The following IGLON5 variants were observed in gnomAD, a reference collection of about 807,000 sequenced individuals.
IGLON5 encodes IgLON family member 5.
A neutral mutation model predicts 38.2 loss-of-function variants in IGLON5; 16 were observed. The observed-to-expected ratio is 0.42, with a 90% CI of 0.28 to 0.64. The LOEUF is 0.64. Among genes scored for constraint, IGLON5 ranks in the 30% least tolerant of loss-of-function variants. IGLON5 has a pLI of 0.23. For synonymous variants in IGLON5, 207 were observed against 216.4 expected, an observed-to-expected ratio of 0.96 and a Z score of 0.38; for missense variants, 366 against 483.4, an observed-to-expected ratio of 0.76 and a Z score of 2.28.
intron 1 of IGLON5, among the ~76,000 whole-genome samples, chr19:51,314,742 G>A (rs985232313): frequency 5.3e-5 from 8 of 152,194 alleles, no homozygotes; most frequent in Non-Finnish European, 8.8e-5. Flanking sequence ...ATGCAAACTA[G>A]CATCTTCTCT....
Position 51,327,999 on chromosome 19 carries a change from C to CTCA in IGLON5, c.922+113_922+114insTCA. ...GCTGGCCCTGAACTTAGGAGATGGA[C>CTCA]GCTGAGACTGAAAAGCAATGCGAGT... is the stretch of plus-strand genomic sequence containing the variant. On this transcript the variant is annotated intron_variant, in intron 7 of 7. Transcript: ENST00000270642. The surrounding 1 kb of genome is among the most constrained non-coding windows in gnomAD (Gnocchi z 7.1). 9.0e-7 allele frequency: 1 copy of CTCA among 1,105,928 alleles called. No individual in the cohort carries two copies. The highest frequency in any genetic ancestry group is 1.7e-5 in the South Asian group (1 of 60,278). 68.5% of individuals were successfully genotyped at this position (1,105,928 alleles called of 1,614,324 possible).
chr19:51,314,336 A>G (rs1338346930), intron 1 of IGLON5, among the ~76,000 whole-genome samples: 1 of 152,012 alleles, frequency 6.6e-6, no homozygotes, highest in Non-Finnish European at 1.5e-5. Context: ...GGTGTGTGCC[A>G]CCACGCTGGG....
rs763929018 is a variant in IGLON5 at position 51,327,723 on chromosome 19, C to A, written c.768-9C>A. 1.9e-6 allele frequency: 3 copies of A among 1,564,366 alleles called. No homozygotes were observed. The South Asian group carries it at 3.5e-5, about 18-fold the overall frequency. On this transcript the variant is annotated splice_polypyrimidine_tract_variant and intron_variant, in intron 6 of 7. Transcript: ENST00000270642. This position sits in a 1 kb window ranked among gnomAD's most constrained non-coding sequence, Gnocchi z 7.1. ...CTGCGGCCCGGCCCCTGACCCGGAT[C>A]CCTGGCAGGCTGAGCAGCGGCACGG...
intron 1 of IGLON5, among the ~76,000 whole-genome samples, chr19:51,315,991 G>A (rs56225819): frequency 1.4e-5 from 2 of 147,876 alleles, no homozygotes; most frequent in African/African-American, 2.5e-5. Flanking sequence ...ACCACGCCCC[G>A]CCGGAAGTCA....
chr19:51,324,581 G>A lies in IGLON5; in HGVS notation c.391+687G>A, dbSNP rs562145464. On this transcript the variant is annotated intron_variant, in intron 3 of 7. Transcript: ENST00000270642. The surrounding 1 kb of genome is among the most constrained non-coding windows in gnomAD (Gnocchi z 4.2). ...CCTGGGTTCCAACCTCAGTGCCACC[G>A]TCCACCAGCCCAGGGACCTTGAGCA... Among the ~76,000 whole-genome samples, 66 of 152,214 alleles carry A rather than the reference G, an allele frequency of 4.3e-4. 1 individual carries two copies. Among genetic ancestry groups the A allele is most frequent in the South Asian group, 2.1e-4 (1 of 4,826 alleles).
chr19:51,320,269 C>T lies in IGLON5; in HGVS notation c.80-1795C>T, dbSNP rs535279772. 7.0e-4 allele frequency among the ~76,000 whole-genome samples: 106 copies of T among 152,332 alleles called. No homozygotes were observed. The South Asian group carries it at 0.021, about 30-fold the overall frequency. On this transcript the variant is annotated intron_variant, in intron 1 of 7. Coordinates refer to ENST00000270642, the MANE Select transcript of IGLON5 (RefSeq NM_001101372.3). ...GAGCCTGCCAACCCACTGCACCTGG[C>T]TCCGTCCTGGCCCCATCCTGTGGGG...
Position 51,327,697 on chromosome 19 carries a change from G to C in IGLON5, c.768-35G>C. ...AGTCGGGGGGCTGGCCTGGCTGGGC[G>C]CTGCGGCCCGGCCCCTGACCCGGAT... On this transcript the variant is annotated intron_variant, in intron 6 of 7. Transcript: ENST00000270642. This position sits in a 1 kb window ranked among gnomAD's most constrained non-coding sequence, Gnocchi z 7.1. 6.5e-7 allele frequency: 1 copy of C among 1,545,204 alleles called. No individual in the cohort carries two copies. Among genetic ancestry groups the C allele is most frequent in the Non-Finnish European group, 8.7e-7 (1 of 1,151,076 alleles).
At position 51,325,348 on chromosome 19, in the gene IGLON5, C is replaced by G; in HGVS notation, c.394C>G (p.Pro132Ala). Residue 132 changes from proline to alanine, a missense_variant and splice_region_variant, in exon 4 of 8, where the codon CCT becomes GCT. Physicochemically the swap from Pro to Ala is conservative, Grantham distance 27 (BLOSUM62 -1). Coordinates refer to ENST00000270642, the MANE Select transcript of IGLON5 (RefSeq NM_001101372.3). The surrounding 1 kb of genome is among the most constrained non-coding windows in gnomAD (Gnocchi z 5.5). ...TCAGCCTCTGCCGCTGCCCGCAGTC[C>G]CTGCCCGCATTGTGAACATCTCGTC... ...TTQVYLIVHV[P>A]ARIVNISSPV... The G allele has an allele frequency of 1.2e-6, 2 of 1,613,598 alleles. No homozygotes were observed. The highest frequency in any genetic ancestry group is 1.7e-6 in the Non-Finnish European group (2 of 1,179,742).
chr19:51,312,713 G>T (rs1236837520), intron 1 of IGLON5, among the ~76,000 whole-genome samples: 1 of 96,048 alleles, frequency 1.0e-5, no homozygotes, highest in African/African-American at 4.3e-5. Flanking sequence ...AAGGAAAGAC[G>T]GAAGGGAAGG....
Position 51,325,335 on chromosome 19 carries a change from G to A in IGLON5, c.392-11G>A, listed in dbSNP as rs368031316. ...TGGGCATCCATATTCAGCCTCTGCC[G>A]CTGCCCGCAGTCCCTGCCCGCATTG... is the stretch of plus-strand genomic sequence containing the variant. On this transcript the variant is annotated splice_polypyrimidine_tract_variant and intron_variant, in intron 3 of 7. Transcript: ENST00000270642. This position sits in a 1 kb window ranked among gnomAD's most constrained non-coding sequence, Gnocchi z 5.5. 2.1e-5 allele frequency: 34 copies of A among 1,612,354 alleles called. No homozygotes were observed. Among genetic ancestry groups the A allele is most frequent in the Non-Finnish European group, 2.5e-5 (29 of 1,179,316 alleles).
Position 51,329,031 on chromosome 19 carries a change from CT to C in IGLON5, c.*273del. The C allele has an allele frequency of 2.9e-6, 1 of 348,700 alleles. No homozygotes were observed. The highest frequency in any genetic ancestry group is 4.1e-5 in the South Asian group (1 of 24,108). 21.6% of individuals were successfully genotyped at this position (348,700 alleles called of 1,614,324 possible). A position where few individuals can be genotyped will look rare whatever the true frequency, so the allele number is the denominator to read the frequency against. On this transcript the variant is annotated 3_prime_UTR_variant, in exon 8 of 8. Coordinates refer to ENST00000270642, the MANE Select transcript of IGLON5 (RefSeq NM_001101372.3). This position sits in a 1 kb window ranked among gnomAD's most constrained non-coding sequence, Gnocchi z 4.3. ...GACCCACTCCCGCCACCCCATACCC[CT>C]CTCTCTTAGCTCAGGCTGTCAACTG... is the stretch of plus-strand genomic sequence containing the variant.
rs758325654 is a variant in IGLON5 at position 51,327,189 on chromosome 19, G to C, written c.756G>C (p.Lys252Asn). The change falls in exon 6 of 8, where the codon AAG becomes AAC. Residue 252 changes from lysine to asparagine, a missense_variant. Coordinates refer to ENST00000270642, the MANE Select transcript of IGLON5 (RefSeq NM_001101372.3). This position sits in a 1 kb window ranked among gnomAD's most constrained non-coding sequence, Gnocchi z 7.1. ...CCCCCGCGGATTTCCAGTGGTACAA[G>C]GATGACAGACTGTGAGGACAGCACT... ...AVPPADFQWY[K>N]DDRLLSSGTA... The C allele has an allele frequency of 4.0e-5, 65 of 1,611,934 alleles. No homozygotes were observed. The highest frequency in any genetic ancestry group is 5.3e-5 in the Non-Finnish European group (62 of 1,179,470).
Position 51,327,290 on chromosome 19 carries a change from G to A in IGLON5, c.767+90G>A, listed in dbSNP as rs1599828580. On this transcript the variant is annotated intron_variant, in intron 6 of 7. Transcript: ENST00000270642. The surrounding 1 kb of genome is among the most constrained non-coding windows in gnomAD (Gnocchi z 7.1). Reference sequence around the variant, plus strand: ...AGGCAGGGGGACGGAGCGGGGCGGGGGAAGGCAGCAGAGCTCTGGGTCCCG... The same window carrying A: ...AGGCAGGGGGACGGAGCGGGGCGGGAGAAGGCAGCAGAGCTCTGGGTCCCG... 5.3e-6 allele frequency: 8 copies of A among 1,520,626 alleles called. No individual in the cohort carries two copies. The East Asian group carries it at 1.4e-4, about 26-fold the overall frequency. The allele number at this position is 1,520,626 out of a possible 1,614,324, so 94.2% of individuals were successfully genotyped here.
intron 1 of IGLON5, among the ~76,000 whole-genome samples, chr19:51,312,941 G>T (rs1984804029): frequency 6.6e-6 from 1 of 152,132 alleles, no homozygotes; most frequent in African/African-American, 2.4e-5. Flanking sequence ...GGGCGCTCAG[G>T]AGGGCAGGGA....
At chr19:51,318,517 G>A (rs1256082558) in intron 1 of IGLON5, among the ~76,000 whole-genome samples, 3 of 152,108 alleles carry the variant, frequency 2.0e-5, no homozygotes, top group Non-Finnish European at 2.9e-5. Context: ...GCTGAGGTGG[G>A]AGGATAGCCC....
chr19:51,318,222 A>G (rs1984968320), intron 1 of IGLON5, among the ~76,000 whole-genome samples: 1 of 152,196 alleles, frequency 6.6e-6, no homozygotes. Flanking sequence ...GCATCCATTT[A>G]TATTCATCCA....
intron 1 of IGLON5, among the ~76,000 whole-genome samples, chr19:51,316,637 G>A (rs528188698): frequency 5.6e-4 from 85 of 151,856 alleles, no homozygotes; most frequent in African/African-American, 2.0e-3. Flanking sequence ...GGGACTACAA[G>A]CACATGCCAC....
chr19:51,330,644 T>C lies in IGLON5; in HGVS notation c.*1885T>C, dbSNP rs1371216966. Among the ~76,000 whole-genome samples, 1 of 152,180 alleles carries C rather than the reference T, an allele frequency of 6.6e-6. No individual in the cohort carries two copies. Among genetic ancestry groups the C allele is most frequent in the Non-Finnish European group, 1.5e-5 (1 of 68,026 alleles). On this transcript the variant is annotated 3_prime_UTR_variant, in exon 8 of 8. Transcript: ENST00000270642. Reference sequence around the variant, plus strand: ...TCTGCTGGATATTGTGGCTCCGTGATGTGAAGTCAACATCTGTAGGGTTGC... The same window carrying C: ...TCTGCTGGATATTGTGGCTCCGTGACGTGAAGTCAACATCTGTAGGGTTGC...
intron 1 of IGLON5, among the ~76,000 whole-genome samples, chr19:51,319,055 A>G (rs958209469): frequency 6.6e-6 from 1 of 152,328 alleles, no homozygotes; most frequent in South Asian, 2.1e-4. Context: ...CCTATGTTGC[A>G]TAGGACAGTC....
Sources: allele counts gnomAD v4.1 joint callset (sites outside exome capture counted in the v4.1 genomes callset), GRCh38; gene constraint gnomAD v4.1.1; non-coding constraint Gnocchi (gnomAD v3.1); transcripts MANE v1.5; gene names NCBI Gene and HGNC (gene_info 2026-07-23, HGNC 2026-07-21).